The following NR2F1-AS1 variants were observed in gnomAD, a reference collection of about 807,000 sequenced individuals.
The protein encoded by NR2F1-AS1 is NR2F1 regulatory antisense RNA 1.
chr5:93,510,193 T>C (rs1171942058), intron 4 of NR2F1-AS1, among the ~76,000 whole-genome samples: 6 of 152,258 alleles, frequency 3.9e-5, no homozygotes, highest in Non-Finnish European at 5.9e-5. Flanking sequence ...ATTAACTTTC[T>C]AGTACCAGTT....
intron 1 of NR2F1-AS1, among the ~76,000 whole-genome samples, chr5:93,569,263 A>C (rs537476443): frequency 2.0e-5 from 3 of 152,224 alleles, no homozygotes; most frequent in Non-Finnish European, 4.4e-5. Context: ...TAACCTTCTT[A>C]AAAGCAATTC....
chr5:93,449,626 T>G (rs1286485005), intron 4 of NR2F1-AS1, among the ~76,000 whole-genome samples: 1 of 152,202 alleles, frequency 6.6e-6, no homozygotes, highest in Non-Finnish European at 1.5e-5. Flanking sequence ...CTATAAATCT[T>G]ACTTTATTTT....
chr5:93,490,541 G>A (rs1467266171), intron 4 of NR2F1-AS1, among the ~76,000 whole-genome samples: 7 of 151,384 alleles, frequency 4.6e-5, no homozygotes, highest in African/African-American at 1.7e-4. Context: ...TATGGTGGCA[G>A]TGGTGGTGGT....
chr5:93,438,620 G>A (rs1310705284), intron 4 of NR2F1-AS1: 1 of 152,174 alleles, frequency 6.6e-6, no homozygotes, highest in African/African-American at 2.4e-5. Context: ...TACTGCAGCT[G>A]GAATGATCTG....
chr5:93,492,558 C>T (rs1189559560), intron 4 of NR2F1-AS1, among the ~76,000 whole-genome samples: 1 of 152,110 alleles, frequency 6.6e-6, no homozygotes, highest in Non-Finnish European at 1.5e-5. Context: ...ATCAGCATTA[C>T]TCTGATACTA....
chr5:93,415,630 A>G (rs1051342497), intron 4 of NR2F1-AS1, among the ~76,000 whole-genome samples: 8 of 152,142 alleles, frequency 5.3e-5, no homozygotes, highest in African/African-American at 1.9e-4. Context: ...AACTGACTTA[A>G]CTTTTTTAAA....
chr5:93,418,580 G>A (rs965877184), intron 4 of NR2F1-AS1, among the ~76,000 whole-genome samples: 23 of 143,988 alleles, frequency 1.6e-4, no homozygotes, highest in Admixed American at 3.4e-4. Context: ...GCGAGACGCC[G>A]TCTCATAAAA....
chr5:93,523,027 A>T (rs1355679956), intron 4 of NR2F1-AS1, among the ~76,000 whole-genome samples: 1 of 152,060 alleles, frequency 6.6e-6, no homozygotes, highest in Non-Finnish European at 1.5e-5. Flanking sequence ...AAAGGGGGCT[A>T]AAGCCAGGCA....
upstream of NR2F1-AS1, among the ~76,000 whole-genome samples, chr5:93,581,749 CCTCT>C (rs1753063141): frequency 4.3e-5 from 2 of 46,608 alleles, 1 homozygote; most frequent in Non-Finnish European, 8.3e-5. Flanking sequence ...TCTCCCTCTC[CCTCT>C]CCCTCTCCTC....
intron 4 of NR2F1-AS1, among the ~76,000 whole-genome samples, chr5:93,491,385 T>C (rs1380464530): frequency 2.0e-5 from 3 of 151,314 alleles, no homozygotes; most frequent in Non-Finnish European, 4.4e-5. Flanking sequence ...GTGGTGGTGC[T>C]GGTGGTGGTG....
At chr5:93,454,521 G>T (rs1226862395) in intron 4 of NR2F1-AS1, among the ~76,000 whole-genome samples, 1 of 152,132 alleles carries the variant, frequency 6.6e-6, no homozygotes, top group Non-Finnish European at 1.5e-5. Flanking sequence ...TTTTACCCCA[G>T]TTTCTGCCAC....
intron 4 of NR2F1-AS1, among the ~76,000 whole-genome samples, chr5:93,515,121 G>A (rs1216474842): frequency 6.6e-6 from 1 of 151,944 alleles, no homozygotes; most frequent in Non-Finnish European, 1.5e-5. Flanking sequence ...AAAGTGACAT[G>A]TGTAAAGAGA....
At chr5:93,518,519 T>C (rs575767624) in intron 4 of NR2F1-AS1, among the ~76,000 whole-genome samples, 2 of 152,188 alleles carry the variant, frequency 1.3e-5, no homozygotes, top group Admixed American at 1.3e-4. Flanking sequence ...CCAAAGATCA[T>C]ACAATTTCAG....
chr5:93,527,098 TC>T (rs879624457), intron 4 of NR2F1-AS1, among the ~76,000 whole-genome samples: 134 of 152,220 alleles, frequency 8.8e-4, no homozygotes, highest in Non-Finnish European at 1.5e-3. Flanking sequence ...TTAGAAAACC[TC>T]ATCATCTCAG....
chr5:93,493,551 A>G (rs1463744297), intron 4 of NR2F1-AS1, among the ~76,000 whole-genome samples: 1 of 152,134 alleles, frequency 6.6e-6, no homozygotes, highest in Non-Finnish European at 1.5e-5. Flanking sequence ...ACAATATTTC[A>G]AAAGTAACAT....
At chr5:93,443,567 C>T (rs1484335823) in intron 4 of NR2F1-AS1, among the ~76,000 whole-genome samples, 2 of 152,152 alleles carry the variant, frequency 1.3e-5, no homozygotes, top group Non-Finnish European at 2.9e-5. Context: ...ACCAAATCTA[C>T]ATCTGACTGG....
intron 4 of NR2F1-AS1, chr5:93,542,896 C>T (rs965414110): frequency 2.0e-5 from 3 of 152,210 alleles, no homozygotes; most frequent in Admixed American, 6.5e-5. Flanking sequence ...TGAAACCTGC[C>T]GTCCTCATTT....
chr5:93,445,233 A>C (rs548719782), intron 4 of NR2F1-AS1, among the ~76,000 whole-genome samples: 2 of 152,322 alleles, frequency 1.3e-5, no homozygotes, highest in African/African-American at 4.8e-5. Flanking sequence ...AGACACAAAA[A>C]ACCCTTCAAA....
chr5:93,578,040 G>A (rs1752934676), intron 1 of NR2F1-AS1, among the ~76,000 whole-genome samples: 1 of 152,120 alleles, frequency 6.6e-6, no homozygotes, highest in African/African-American at 2.4e-5. Flanking sequence ...ACTTTCGGGA[G>A]ACCAAGATAT....
Sources: allele counts gnomAD v4.1 joint callset (sites outside exome capture counted in the v4.1 genomes callset), GRCh38; gene constraint gnomAD v4.1.1; transcripts MANE v1.5; gene names NCBI Gene and HGNC (gene_info 2026-07-23, HGNC 2026-07-21).